Variants in LRRC9 observed in about 807,000 individuals in gnomAD.
LRRC9 encodes leucine rich repeat containing 9, also known as leucine-rich repeat-containing protein 9.
In LRRC9, 122 loss-of-function variants were observed where a neutral mutation model predicts 63.2. The observed-to-expected ratio is 1.93, with a 90% CI of 1.67 to 2.24. LRRC9 has a LOEUF of 2.24. Among genes scored for constraint, LRRC9 ranks in the 30% most tolerant of loss-of-function variants. LRRC9 has a pLI of 0.00. For missense variants in LRRC9, 1,071 were observed against 627.7 expected, an observed-to-expected ratio of 1.71 and a Z score of -7.55; for synonymous variants, 366 against 213.1, an observed-to-expected ratio of 1.72 and a Z score of -6.25.
Position 59,986,748 on chromosome 14 carries a change from G to A in LRRC9, c.2211+1524G>A, listed in dbSNP as rs1368130048. Among the ~76,000 whole-genome samples, 2 of 152,146 alleles carry A rather than the reference G, an allele frequency of 1.3e-5. No homozygotes were observed. The highest frequency in any genetic ancestry group is 2.4e-5 in the African/African-American group (1 of 41,516). ...AGCATTTATTTTGCCATGTGGTGGTGGTGTTCAACTTTAATACAAAAATTA... is the reference window on the plus strand; with the variant it reads ...AGCATTTATTTTGCCATGTGGTGGTAGTGTTCAACTTTAATACAAAAATTA... On this transcript the variant is annotated intron_variant, in intron 17 of 31. Coordinates refer to ENST00000445360, the Ensembl canonical transcript of LRRC9. This position sits in a 1 kb window ranked among gnomAD's most constrained non-coding sequence, Gnocchi z 4.7.
intron 30 of LRRC9, among the ~76,000 whole-genome samples, chr14:60,055,732 A>T (rs1361653602): frequency 6.3e-5 from 8 of 127,480 alleles, no homozygotes; most frequent in African/African-American, 1.1e-4. Flanking sequence ...GTCTCTATTT[A>T]AAAAAAAAAA....
intron 29 of LRRC9, among the ~76,000 whole-genome samples, chr14:60,046,208 C>A (rs1336473344): frequency 6.6e-6 from 1 of 152,062 alleles, no homozygotes; most frequent in East Asian, 1.9e-4. Flanking sequence ...AATTTTTCTC[C>A]CATTCTGTAG....
At chr14:60,005,727 G>A (rs2140225717) in intron 21 of LRRC9, among the ~76,000 whole-genome samples, 1 of 152,206 alleles carries the variant, frequency 6.6e-6, no homozygotes, top group South Asian at 2.1e-4. Context: ...TTTTATGGAT[G>A]AGGAAATTAA....
chr14:60,026,956 A>T (rs219402), intron 27 of LRRC9, among the ~76,000 whole-genome samples: 1 of 151,840 alleles, frequency 6.6e-6, no homozygotes, highest in Non-Finnish European at 1.5e-5. Context: ...TTTTAAAGAC[A>T]CTTTCTCCAA....
intron 26 of LRRC9, among the ~76,000 whole-genome samples, chr14:60,022,458 T>G (rs575875576): frequency 7.2e-5 from 11 of 151,954 alleles, no homozygotes; most frequent in South Asian, 4.1e-4. Flanking sequence ...TATTTACTCC[T>G]TTCCAATCTG....
At chr14:59,987,016 AT>A (rs1231680548) in intron 17 of LRRC9, among the ~76,000 whole-genome samples, 1 of 152,140 alleles carries the variant, frequency 6.6e-6, no homozygotes, top group African/African-American at 2.4e-5. Flanking sequence ...TCATCTTTTT[AT>A]TATAAAATAA....
rs1323444765 is a variant in LRRC9 at position 59,990,866 on chromosome 14, G to T, written c.2211+5642G>T. On this transcript the variant is annotated intron_variant, in intron 17 of 31. Coordinates refer to ENST00000445360, the Ensembl canonical transcript of LRRC9. The surrounding 1 kb of genome is among the most constrained non-coding windows in gnomAD (Gnocchi z 4.2). ...CCTGTTTTCAGGTCCATCAGATGCT[G>T]CCCTGACACTTCCTTCTTCTCCCAC... Among the ~76,000 whole-genome samples, 1 of 152,216 alleles carries T rather than the reference G, an allele frequency of 6.6e-6. No homozygotes were observed. The highest frequency in any genetic ancestry group is 1.5e-5 in the Non-Finnish European group (1 of 68,038).
At chr14:59,960,867 G>T in intron 9 of LRRC9, 47 bp from the exon 10 acceptor site, 1 of 520,378 alleles carries the variant, frequency 1.9e-6, no homozygotes, top group Non-Finnish European at 3.4e-6. Flanking sequence ...TTAATGTTGC[G>T]ATTTTTAGAT....
chr14:60,002,017 A>G, exon 20 of LRRC9: 1 of 701,612 alleles, frequency 1.4e-6, no homozygotes, highest in Non-Finnish European at 2.6e-6. Context: ...ACGGATACTT[A>G]GTATATGGCC....
intron 6 of LRRC9, among the ~76,000 whole-genome samples, chr14:59,933,100 C>T (rs921591517): frequency 1.3e-5 from 2 of 152,166 alleles, no homozygotes; most frequent in Admixed American, 6.6e-5. Flanking sequence ...TTTCTTTCCT[C>T]ATATACCTGC....
At chr14:60,041,862 T>G (rs1298919359) in intron 29 of LRRC9, among the ~76,000 whole-genome samples, 1 of 152,234 alleles carries the variant, frequency 6.6e-6, no homozygotes, top group Admixed American at 6.5e-5. Context: ...TGCTCTGTTT[T>G]TTCCCCATCT....
rs1894407731 is a variant in LRRC9 at position 60,058,011 on chromosome 14, C to T, written c.4265C>T (p.Pro1422Leu). Residue 1422 changes from proline (P) to leucine (L), a missense_variant, in exon 31 of 32, where the codon CCT becomes CTT. Pro to Leu is a moderately conservative substitution (Grantham distance 98, BLOSUM62 -3). Transcript: ENST00000445360. This position sits in a 1 kb window ranked among gnomAD's most constrained non-coding sequence, Gnocchi z 4.4. ...TTGGGATCTGACGTCACTTTAACTC[C>T]TGAAGTTGAAGGTATTTTGACAATT... 1.6e-6 allele frequency: 1 copy of T among 629,182 alleles called. No individual in the cohort carries two copies. The highest frequency in any genetic ancestry group is 3.0e-6 in the Non-Finnish European group (1 of 335,850). The allele number at this position is 629,182 out of a possible 1,614,324, so 39.0% of individuals were successfully genotyped here. A position where few individuals can be genotyped will look rare whatever the true frequency, so the allele number is the denominator to read the frequency against.
intron 23 of LRRC9, 24 bp from the exon 24 acceptor site, chr14:60,016,636 C>A (rs980936588): frequency 7.4e-6 from 5 of 673,600 alleles, no homozygotes; most frequent in African/African-American, 7.1e-5. Context: ...GACAGGACAT[C>A]ATTTTCTAAA....
chr14:60,044,332 A>C (rs1305945603), intron 29 of LRRC9, among the ~76,000 whole-genome samples: 1 of 151,950 alleles, frequency 6.6e-6, no homozygotes, highest in Non-Finnish European at 1.5e-5. Flanking sequence ...TCCTTCTACT[A>C]ATTTAGGGCT....
intron 29 of LRRC9, among the ~76,000 whole-genome samples, chr14:60,037,872 T>A: frequency 6.6e-6 from 1 of 152,160 alleles, no homozygotes. Context: ...ATTGTCTAGG[T>A]TTTCTTCTAG....
intron 14 of LRRC9, among the ~76,000 whole-genome samples, chr14:59,977,814 A>C (rs1222872166): frequency 1.3e-5 from 2 of 152,132 alleles, no homozygotes; most frequent in African/African-American, 4.8e-5. Flanking sequence ...TGGAGTGGAA[A>C]GGATGAAAGA....
intron 29 of LRRC9, among the ~76,000 whole-genome samples, chr14:60,043,559 GTTC>G (rs1223345477): frequency 1.3e-5 from 2 of 152,042 alleles, no homozygotes; most frequent in Non-Finnish European, 2.9e-5. Context: ...TATGGTTTTT[GTTC>G]TTGATTCTGT....
intron 8 of LRRC9, among the ~76,000 whole-genome samples, chr14:59,952,396 G>T (rs924138929): frequency 6.6e-6 from 1 of 152,118 alleles, no homozygotes; most frequent in African/African-American, 2.4e-5. Flanking sequence ...TGCGCCCACT[G>T]TCTGGCACTC....
At chr14:60,033,797 C>T (rs1317177005) in intron 29 of LRRC9, among the ~76,000 whole-genome samples, 1 of 151,846 alleles carries the variant, frequency 6.6e-6, no homozygotes, top group African/African-American at 2.4e-5. Flanking sequence ...CCTCTTTCTC[C>T]AATCTATGGA....
Sources: gnomAD v4.1 joint callset for allele counts (sites outside exome capture counted in the v4.1 genomes callset) on GRCh38, gnomAD v4.1.1 for gene constraint, Gnocchi (gnomAD v3.1) non-coding constraint, MANE v1.5 for transcripts, NCBI Gene and HGNC (gene_info 2026-07-23, HGNC 2026-07-21) for gene names.